Variants in CNST observed in about 807,000 individuals in gnomAD.
The protein encoded by CNST is consortin, connexin sorting protein.
Under a neutral mutation model 72.4 loss-of-function variants are expected in CNST, and 39 were observed. That is an observed-to-expected ratio of 0.54 (90% CI 0.42 to 0.70). The LOEUF is 0.70. Ranked by LOEUF, CNST falls within the 30% of genes least tolerant of loss-of-function variation. The probability of loss-of-function intolerance (pLI) is 0.00; values close to 1 mark genes in which losing one functional copy is unlikely to be tolerated. For synonymous variants in CNST, 332 were observed against 320.1 expected, an observed-to-expected ratio of 1.04 and a Z score of -0.40; for missense variants, 871 against 868.5, an observed-to-expected ratio of 1.00 and a Z score of -0.04.
rs759414874 is a variant in CNST, at chr1:246,596,550, GT to G, written c.379+4615del. ...GGAGAAAAACAATGGAAATTAATGT[GT>G]TTTTTAAACAGTTTTATTAAGATGT... On this transcript the variant is annotated intron_variant, in intron 2 of 10. Transcript: ENST00000366513. 1.6e-4 allele frequency among the ~76,000 whole-genome samples: 24 copies of G among 152,150 alleles called. 1 individual carries two copies. The highest frequency in any genetic ancestry group is 3.4e-4 in the Non-Finnish European group (23 of 68,014).
intron 2 of CNST, among the ~76,000 whole-genome samples, chr1:246,595,722 C>G (rs957829047): frequency 3.3e-5 from 5 of 151,556 alleles, no homozygotes; most frequent in African/African-American, 4.9e-5. Flanking sequence ...TCTTGTAACA[C>G]TTTTTAGAAA....
chr1:246,621,344 G>T (rs1664074134), intron 2 of CNST, 85 bp from the exon 3 acceptor site: 1 of 1,059,874 alleles, frequency 9.4e-7, no homozygotes, highest in East Asian at 2.4e-5. Context: ...GCAAGCCAGG[G>T]CATCAAACTA....
intron 2 of CNST, 25 bp downstream of exon 2, chr1:246,591,966 C>A: frequency 6.4e-7 from 1 of 1,550,656 alleles, no homozygotes; most frequent in Non-Finnish European, 8.8e-7. Context: ...AGTATTTATC[C>A]TCTTCTTTAA....
rs765250245 is a variant in CNST at position 246,665,752 on chromosome 1, G to A, written c.2025G>A (p.Thr675=). 2.5e-6 allele frequency: 4 copies of A among 1,613,710 alleles called. No homozygotes were observed. Among genetic ancestry groups the A allele is most frequent in the Non-Finnish European group, 3.4e-6 (4 of 1,180,026 alleles). ...TGCTGGTCTTGCTGTGCATAGCAAC[G>A]GTTTTCCTCAGTGTTGGAGGAACTG... is the stretch of plus-strand genomic sequence containing the variant. ...CILLVLLCIA[T]VFLSVGGTAL... The change falls in exon 11 of 11, where the codon ACG becomes ACA. Residue 675 remains threonine, a synonymous_variant. Transcript: ENST00000366513.
intron 1 of CNST, among the ~76,000 whole-genome samples, chr1:246,576,398 A>T (rs142131599): frequency 4.8e-4 from 71 of 149,124 alleles, no homozygotes; most frequent in African/African-American, 1.7e-3. Context: ...AGTGACTATT[A>T]TTTTAACTTT....
chr1:246,567,949 T>G (rs1319642396), intron 1 of CNST, among the ~76,000 whole-genome samples: 2 of 152,142 alleles, frequency 1.3e-5, no homozygotes, highest in Non-Finnish European at 2.9e-5. Context: ...TAAAATAGAA[T>G]TATGTCTTCA....
In CNST at chr1:246,648,231, A is replaced by G. The variant is rs370492943; in HGVS notation, c.1836+194A>G. 422 of 1,367,546 alleles carry G rather than the reference A, an allele frequency of 3.1e-4. 2 individuals carry two copies. The highest frequency in any genetic ancestry group is 5.5e-4 in the Middle Eastern group (2 of 3,624). 84.7% of individuals were successfully genotyped at this position (1,367,546 alleles called of 1,614,324 possible). A position where few individuals can be genotyped will look rare whatever the true frequency, so the allele number is the denominator to read the frequency against. ...AATAAAATGACTTTTAATCATTGCA[A>G]TGTTCATACTACAAGATGTTCTATT... On this transcript the variant is annotated intron_variant, in intron 9 of 10. Coordinates refer to ENST00000366513, the MANE Select transcript of CNST (RefSeq NM_152609.3).
At chr1:246,585,664 T>TAC (rs774494387) in intron 1 of CNST, among the ~76,000 whole-genome samples, 4 of 39,626 alleles carry the variant, frequency 1.0e-4, no homozygotes, top group East Asian at 8.7e-4. Flanking sequence ...AAAAAAAAAA[T>TAC]ATACACACAC....
chr1:246,659,719 C>G (rs1477719106), intron 9 of CNST, among the ~76,000 whole-genome samples: 2 of 152,132 alleles, frequency 1.3e-5, no homozygotes, highest in African/African-American at 4.8e-5. Context: ...GAGGACAACA[C>G]TTTAATGTTA....
intron 2 of CNST, among the ~76,000 whole-genome samples, chr1:246,613,142 T>C (rs755616229): frequency 1.3e-5 from 2 of 152,208 alleles, no homozygotes; most frequent in Non-Finnish European, 2.9e-5. Context: ...ATGTCATTGC[T>C]GAAAAGTGTA....
At position 246,642,135 on chromosome 1, in the gene CNST, T is replaced by G. The variant is rs988869213; in HGVS notation, c.937+98T>G. 3.8e-5 allele frequency: 11 copies of G among 286,420 alleles called. 1 individual carries two copies. Among genetic ancestry groups the G allele is most frequent in the African/African-American group, 1.2e-4 (5 of 40,496 alleles). 17.7% of individuals were successfully genotyped at this position (286,420 alleles called of 1,614,324 possible). A position where few individuals can be genotyped will look rare whatever the true frequency, so the allele number is the denominator to read the frequency against. ...TCTGAATTGCTGCAAAGGATCTGGT[T>G]TTTTTTTTTTTTTTTTTTTGCACTT... On this transcript the variant is annotated intron_variant, in intron 8 of 10. Transcript: ENST00000366513.
At chr1:246,607,990 A>T (rs903117003) in intron 2 of CNST, 10 of 152,156 alleles carry the variant, frequency 6.6e-5, no homozygotes, top group African/African-American at 2.4e-4. Flanking sequence ...CTGAGGCAGG[A>T]GAATCCCTTG....
chr1:246,599,910 C>T (rs780629679), intron 2 of CNST, among the ~76,000 whole-genome samples: 4 of 152,188 alleles, frequency 2.6e-5, no homozygotes, highest in Non-Finnish European at 5.9e-5. Context: ...TGCTGGTGCA[C>T]CTCCCTTTCA....
At chr1:246,568,269 A>AGTT (rs1659848327) in intron 1 of CNST, among the ~76,000 whole-genome samples, 1 of 152,226 alleles carries the variant, frequency 6.6e-6, no homozygotes, top group African/African-American at 2.4e-5. Flanking sequence ...GTCCTAGAAA[A>AGTT]ACTGATGTCA....
At chr1:246,642,144 T>TTG in intron 8 of CNST, 107 bp downstream of exon 8, 1 of 623,516 alleles carries the variant, frequency 1.6e-6, no homozygotes, top group South Asian at 2.5e-5. Context: ...TTTTTTTTTT[T>TTG]TTTTTTTTTT....
chr1:246,648,247 A>G (rs891400479), intron 9 of CNST: 14 of 1,329,134 alleles, frequency 1.1e-5, no homozygotes, highest in Middle Eastern at 2.9e-4. Context: ...ATACTACAAG[A>G]TGTTCTATTG....
chr1:246,567,333 G>C (rs1393386139), intron 1 of CNST, among the ~76,000 whole-genome samples: 1 of 149,084 alleles, frequency 6.7e-6, no homozygotes, highest in African/African-American at 2.5e-5. Flanking sequence ...ATAGGATGCT[G>C]TAATGGAAAT....
At chr1:246,585,956 T>G (rs1661153010) in intron 1 of CNST, among the ~76,000 whole-genome samples, 1 of 151,766 alleles carries the variant, frequency 6.6e-6, no homozygotes, top group Non-Finnish European at 1.5e-5. Flanking sequence ...GGCACGCACC[T>G]GTAGTCCCAG....
At chr1:246,569,914 C>T (rs2102997440) in intron 1 of CNST, 1 of 981,720 alleles carries the variant, frequency 1.0e-6, no homozygotes, top group Middle Eastern at 5.3e-4. Flanking sequence ...AACTTGAGGA[C>T]CTTCAAGAAG....
Sources: allele counts gnomAD v4.1 joint callset (sites outside exome capture counted in the v4.1 genomes callset), GRCh38; gene constraint gnomAD v4.1.1; transcripts MANE v1.5; gene names NCBI Gene and HGNC (gene_info 2026-07-23, HGNC 2026-07-21).